Variants in TMA16 observed in about 807,000 individuals in gnomAD.
TMA16 encodes translation machinery-associated protein 16.
Under a neutral mutation model 27.1 loss-of-function variants are expected in TMA16, and 26 were observed. The ratio of observed to expected loss-of-function variants is 0.96; its 90% confidence interval spans 0.70 to 1.33. The LOEUF is 1.33. Ranked by LOEUF, TMA16 falls within the 40% of genes most tolerant of loss-of-function variation. The pLI is 0.00. For missense variants in TMA16, 233 were observed against 241.4 expected, an observed-to-expected ratio of 0.97 and a Z score of 0.23; for synonymous variants, 71 against 81.9, an observed-to-expected ratio of 0.87 and a Z score of 0.72.
intron 1 of TMA16, among the ~76,000 whole-genome samples, chr4:163,496,070 T>G (rs1737548422): frequency 6.6e-6 from 1 of 152,242 alleles, no homozygotes; most frequent in African/African-American, 2.4e-5. Flanking sequence ...GTACGTTGCT[T>G]TGGCATAGAA....
intron 1 of TMA16, among the ~76,000 whole-genome samples, chr4:163,505,287 A>G (rs1256626808): frequency 6.6e-6 from 1 of 152,210 alleles, no homozygotes; most frequent in Non-Finnish European, 1.5e-5. Flanking sequence ...GCAGAGAGAT[A>G]CATAAAAGAG....
intron 6 of TMA16, 125 bp from the exon 7 acceptor site, chr4:163,519,209 C>A: frequency 1.2e-6 from 1 of 823,202 alleles, no homozygotes; most frequent in South Asian, 2.3e-5. Flanking sequence ...TAATATTTTC[C>A]TTTAACGCTT....
At chr4:163,500,210 C>CTTT (rs34832261) in intron 1 of TMA16, among the ~76,000 whole-genome samples, 12 of 132,240 alleles carry the variant, frequency 9.1e-5, no homozygotes, top group African/African-American at 1.7e-4. Flanking sequence ...TTCTTTCTTT[C>CTTT]TTTTTTTTTT....
chr4:163,496,093 G>A (rs11730351), intron 1 of TMA16, among the ~76,000 whole-genome samples: 16,617 of 152,116 alleles, frequency 0.11, 1,268 homozygotes, highest in East Asian at 0.36. Flanking sequence ...CAAAAGAGTG[G>A]CATATGAACC....
At position 163,494,709 on chromosome 4, in the gene TMA16, G is replaced by A. The variant is rs1004628068; in HGVS notation, c.-93G>A. The A allele has an allele frequency of 3.2e-6, 5 of 1,578,948 alleles. No individual in the cohort carries two copies. Among genetic ancestry groups the A allele is most frequent in the Non-Finnish European group, 3.5e-6 (4 of 1,150,856 alleles). On this transcript the variant is annotated 5_prime_UTR_variant, in exon 1 of 7. Transcript: ENST00000358572. ...CTTCTCAGGCGCCACGTGGGATTCG[G>A]CCCGGGTGCTCTTGTGAGCTGCTGC... is the stretch of plus-strand genomic sequence containing the variant.
intron 1 of TMA16, among the ~76,000 whole-genome samples, chr4:163,497,776 T>C (rs1737579767): frequency 1.3e-5 from 2 of 152,222 alleles, no homozygotes; most frequent in Admixed American, 6.5e-5. Context: ...TTGTCATATA[T>C]GGTAATATAT....
At position 163,519,765 on chromosome 4, in the gene TMA16, C is replaced by T; in HGVS notation, c.*251C>T. On this transcript the variant is annotated 3_prime_UTR_variant, in exon 7 of 7. Coordinates refer to ENST00000358572, the MANE Select transcript of TMA16 (RefSeq NM_018352.3). The stretch of plus-strand genomic sequence containing the variant: ...GTTTAGTCTTCATCTGAATTTCAGG[C>T]TGGGAGGGAGCAATATAACTAAGGA... 1 of 510,864 alleles carries T rather than the reference C, an allele frequency of 2.0e-6. No individual in the cohort carries two copies. The highest frequency in any genetic ancestry group is 3.4e-6 in the Non-Finnish European group (1 of 294,950). 31.6% of individuals were successfully genotyped at this position (510,864 alleles called of 1,614,324 possible).
chr4:163,517,519 T>G, intron 6 of TMA16, 43 bp downstream of exon 6: 24 of 1,563,774 alleles, frequency 1.5e-5, no homozygotes, highest in Non-Finnish European at 2.1e-5. Context: ...GTGTGTAAAG[T>G]ACCTGACAGG....
In TMA16 at chr4:163,515,317, TTAA is replaced by T; in HGVS notation, c.245_247del (p.Leu82_Asn83delinsTyr). The T allele has an allele frequency of 1.2e-6, 2 of 1,607,046 alleles. No individual in the cohort carries two copies. Among genetic ancestry groups the T allele is most frequent in the Non-Finnish European group, 1.7e-6 (2 of 1,178,036 alleles). ...AATCATTTTCGTATTTTTCAGGTAC[TTAA>T]ATCGATTCAGCAGTGAGCTGGAGCA... On this transcript the variant is annotated inframe_deletion, in exon 5 of 7. Coordinates refer to ENST00000358572, the MANE Select transcript of TMA16 (RefSeq NM_018352.3).
intron 3 of TMA16, 140 bp from the exon 4 acceptor site, chr4:163,513,934 C>T: frequency 2.0e-6 from 1 of 500,130 alleles, no homozygotes; most frequent in African/African-American, 2.0e-5. Flanking sequence ...TAGCTTTGAG[C>T]CCACACAAGG....
intron 1 of TMA16, among the ~76,000 whole-genome samples, chr4:163,501,616 T>C (rs1334807287): frequency 1.3e-5 from 2 of 152,210 alleles, no homozygotes; most frequent in African/African-American, 4.8e-5. Context: ...AAAGAGTGTT[T>C]GATTATCTGT....
At chr4:163,508,584 A>G (rs1737749219) in intron 2 of TMA16, among the ~76,000 whole-genome samples, 2 of 152,308 alleles carry the variant, frequency 1.3e-5, no homozygotes, top group South Asian at 4.1e-4. Context: ...ACAAACCCAC[A>G]CTTTTGTCCT....
chr4:163,515,629 C>T, intron 5 of TMA16, 168 bp downstream of exon 5: 3 of 716,408 alleles, frequency 4.2e-6, no homozygotes, highest in Non-Finnish European at 6.6e-6. Flanking sequence ...TTTTTTTCCC[C>T]TACATTCCCA....
intron 1 of TMA16, among the ~76,000 whole-genome samples, chr4:163,502,244 A>G (rs1478581788): frequency 6.6e-6 from 1 of 152,166 alleles, no homozygotes; most frequent in Non-Finnish European, 1.5e-5. Context: ...TATTCTTTTA[A>G]TGTTAAGGAA....
In TMA16 at chr4:163,507,034, C is replaced by A; in HGVS notation, c.5C>A (p.Pro2His). The A allele has an allele frequency of 1.3e-6, 2 of 1,581,414 alleles. No individual in the cohort carries two copies. Among genetic ancestry groups the A allele is most frequent in the South Asian group, 2.3e-5 (2 of 85,970 alleles). MPKAPKGKSAGR... is the reference protein window; with the variant it reads MHKAPKGKSAGR... ...GTCATGTGTTTTCATACATTTTAGC[C>A]CAAAGCACCAAAGGGAAAAAGTGCA... is the stretch of plus-strand genomic sequence containing the variant. The change falls in exon 2 of 7, where the codon CCC becomes CAC. Residue 2 changes from proline to histidine, a missense_variant and splice_region_variant. Physicochemically the swap from Pro to His is moderately conservative, Grantham distance 77. Transcript: ENST00000358572.
At chr4:163,498,692 TCTCA>T (rs1560911435) in intron 1 of TMA16, among the ~76,000 whole-genome samples, 1 of 152,102 alleles carries the variant, frequency 6.6e-6, no homozygotes, top group African/African-American at 2.4e-5. Context: ...AGAGATGGAG[TCTCA>T]CTCTGTCACC....
chr4:163,518,370 C>T (rs1042810956), intron 6 of TMA16, among the ~76,000 whole-genome samples: 7 of 152,178 alleles, frequency 4.6e-5, no homozygotes, highest in East Asian at 1.9e-4. Context: ...GCAGTAAAAA[C>T]GAAGATTGAC....
chr4:163,517,295 T>A, intron 5 of TMA16, 139 bp from the exon 6 acceptor site: 1 of 762,832 alleles, frequency 1.3e-6, no homozygotes, highest in Admixed American at 2.8e-5. Context: ...CTTTTGCAAA[T>A]TTTTCATGTT....
Position 163,519,831 on chromosome 4 carries a change from A to C in TMA16, c.*317A>C, listed in dbSNP as rs1355232213. The C allele has an allele frequency of 2.0e-6, 1 of 510,404 alleles. No individual in the cohort carries two copies. Among genetic ancestry groups the C allele is most frequent in the East Asian group, 3.7e-5 (1 of 27,134 alleles). The allele number at this position is 510,404 out of a possible 1,614,324, so 31.6% of individuals were successfully genotyped here. On this transcript the variant is annotated 3_prime_UTR_variant, in exon 7 of 7. Transcript: ENST00000358572. ...TTTTCTTGTGTATTTATGATCACCT[A>C]ATTTCACGTTTTGTGAAATGGACAG...
Sources: allele counts gnomAD v4.1 joint callset (sites outside exome capture counted in the v4.1 genomes callset), GRCh38; gene constraint gnomAD v4.1.1; transcripts MANE v1.5; gene names NCBI Gene and HGNC (gene_info 2026-07-23, HGNC 2026-07-21).